The following USP13 variants were observed in gnomAD, a reference collection of about 807,000 sequenced individuals.
USP13 encodes ubiquitin specific peptidase 13, also known as ubiquitin carboxyl-terminal hydrolase 13.
USP13 carries 68 observed loss-of-function variants against 107.8 expected under a neutral mutation model. The ratio of observed to expected loss-of-function variants is 0.63; its 90% CI spans 0.52 to 0.77. The LOEUF is 0.77. USP13 is among the 30% of genes least tolerant of loss of function. USP13 has a pLI of 0.00. For missense variants in USP13, 945 were observed against 1,093.3 expected (o/e 0.86, Z 1.91); for synonymous variants, 377 against 389.5 (o/e 0.97, Z 0.38).
intron 2 of USP13, among the ~76,000 whole-genome samples, chr3:179,683,668 T>C (rs1353692441): frequency 6.6e-6 from 1 of 152,138 alleles, no homozygotes; most frequent in African/African-American, 2.4e-5. Flanking sequence ...TTCAATCACC[T>C]CCCACCGGAT....
intron 3 of USP13, among the ~76,000 whole-genome samples, chr3:179,695,166 A>AT (rs1178009207): frequency 6.6e-6 from 1 of 152,152 alleles, no homozygotes; most frequent in East Asian, 1.9e-4. Context: ...TTTCTCTGTT[A>AT]TTTTTTGGCT....
intron 19 of USP13, among the ~76,000 whole-genome samples, chr3:179,776,508 ATCT>A (rs775126022): frequency 2.8e-4 from 43 of 152,202 alleles, no homozygotes; most frequent in Non-Finnish European, 5.3e-4. Flanking sequence ...ATGTTAAAAA[ATCT>A]TCTTCTTAGC....
At chr3:179,781,211 C>T (rs1276812951) in intron 19 of USP13, among the ~76,000 whole-genome samples, 1 of 152,208 alleles carries the variant, frequency 6.6e-6, no homozygotes, top group Non-Finnish European at 1.5e-5. Flanking sequence ...AAAAATCTTG[C>T]ACAAAGCATT....
intron 15 of USP13, among the ~76,000 whole-genome samples, chr3:179,756,421 C>A (rs759201516): frequency 1.6e-4 from 12 of 74,474 alleles, no homozygotes; most frequent in Admixed American, 5.4e-4. Flanking sequence ...AAAAAACAAA[C>A]AAACAAACAA....
chr3:179,775,395 C>A (rs1715492513), intron 19 of USP13, among the ~76,000 whole-genome samples: 1 of 152,260 alleles, frequency 6.6e-6, no homozygotes, highest in African/African-American at 2.4e-5. Context: ...ATATACAATC[C>A]TCTGGCTAGA....
At chr3:179,757,628 G>A (rs186284966) in intron 16 of USP13, among the ~76,000 whole-genome samples, 14 of 152,228 alleles carry the variant, frequency 9.2e-5, no homozygotes, top group Middle Eastern at 6.8e-3. Flanking sequence ...AAAAATAAAC[G>A]ATAGACAATA....
chr3:179,754,431 T>G (rs1714715657), intron 14 of USP13, among the ~76,000 whole-genome samples: 1 of 152,232 alleles, frequency 6.6e-6, no homozygotes. Context: ...TCCACACTTT[T>G]AAAATATCAA....
intron 6 of USP13, among the ~76,000 whole-genome samples, chr3:179,714,870 CT>C (rs34976120): frequency 9.8e-4 from 135 of 137,420 alleles, no homozygotes; most frequent in African/African-American, 2.9e-3. Flanking sequence ...TTTCCTTTTT[CT>C]TTTTTTTTTT....
intron 6 of USP13, among the ~76,000 whole-genome samples, chr3:179,714,130 G>A (rs761270144): frequency 6.6e-6 from 1 of 152,194 alleles, no homozygotes; most frequent in Non-Finnish European, 1.5e-5. Flanking sequence ...GGACGGAGAC[G>A]GGATAGGGTG....
At chr3:179,757,760 C>A (rs984668823) in intron 16 of USP13, among the ~76,000 whole-genome samples, 1 of 152,144 alleles carries the variant, frequency 6.6e-6, no homozygotes, top group Non-Finnish European at 1.5e-5. Flanking sequence ...TTACACATTG[C>A]GAATGATTGA....
intron 13 of USP13, among the ~76,000 whole-genome samples, chr3:179,745,739 G>C (rs1203987832): frequency 6.6e-6 from 1 of 152,162 alleles, no homozygotes; most frequent in Non-Finnish European, 1.5e-5. Flanking sequence ...TAAAGACTTA[G>C]TCTAGAACTT....
At chr3:179,685,852 G>C (rs1009929912) in intron 2 of USP13, among the ~76,000 whole-genome samples, 1 of 152,008 alleles carries the variant, frequency 6.6e-6, no homozygotes, top group African/African-American at 2.4e-5. Flanking sequence ...AGGTCCTGAA[G>C]ACCTTCAGGC....
At chr3:179,676,208 C>T (rs545375254) in intron 1 of USP13, among the ~76,000 whole-genome samples, 78 of 152,300 alleles carry the variant, frequency 5.1e-4, no homozygotes, top group African/African-American at 1.8e-3. Flanking sequence ...CCCAGCCATG[C>T]GGAACTGTGA....
intron 4 of USP13, 83 bp downstream of exon 4, chr3:179,701,212 G>T: frequency 7.9e-7 from 1 of 1,258,232 alleles, no homozygotes. Flanking sequence ...TGTGTGCGGG[G>T]GTGGGGTGGG....
At position 179,678,281 on chromosome 3, in the gene USP13, G is replaced by A. The variant is rs6788786; in HGVS notation, c.169-3597G>A. ...ATAGTGATGCAGTATGTTTTTCTTA[G>A]GAGGTCTATCTATCCAAAGAACATG... On this transcript the variant is annotated intron_variant, in intron 1 of 20. Transcript: ENST00000263966. The surrounding 1 kb of genome is among the most constrained non-coding windows in gnomAD (Gnocchi z 4.2). Among the ~76,000 whole-genome samples, 57,163 of 151,994 alleles carry A rather than the reference G, an allele frequency of 0.38. 11,267 individuals carry two copies. The highest frequency in any genetic ancestry group is 0.46 in the African/African-American group (19,095 of 41,460).
At chr3:179,715,142 A>C (rs1398598208) in intron 6 of USP13, among the ~76,000 whole-genome samples, 1 of 151,300 alleles carries the variant, frequency 6.6e-6, no homozygotes, top group African/African-American at 2.4e-5. Context: ...TTAGCCTCCC[A>C]AAGTGCTGGG....
chr3:179,715,391 G>A (rs1205339129), intron 6 of USP13, among the ~76,000 whole-genome samples: 1 of 146,188 alleles, frequency 6.8e-6, no homozygotes, highest in African/African-American at 2.5e-5. Context: ...TTGAGATGGA[G>A]TCTCACTTTC....
intron 3 of USP13, among the ~76,000 whole-genome samples, chr3:179,693,143 G>T (rs1016770451): frequency 1.3e-5 from 2 of 151,996 alleles, no homozygotes; most frequent in Non-Finnish European, 2.9e-5. Context: ...CATCCCAGTA[G>T]GAGTTCTTTC....
chr3:179,658,164 C>CA (rs1720340004), intron 1 of USP13, among the ~76,000 whole-genome samples: 1 of 152,170 alleles, frequency 6.6e-6, no homozygotes, highest in Admixed American at 6.5e-5. Context: ...CTATGTTGGC[C>CA]AGGCTGGTCC....
Sources: allele counts gnomAD v4.1 joint callset (sites outside exome capture counted in the v4.1 genomes callset), GRCh38; gene constraint gnomAD v4.1.1; non-coding constraint Gnocchi (gnomAD v3.1); transcripts MANE v1.5; gene names NCBI Gene and HGNC (gene_info 2026-07-23, HGNC 2026-07-21).